Variants in MPP7 observed in about 807,000 individuals in gnomAD.
The protein encoded by MPP7 is MAGUK p55 subfamily member 7.
A neutral mutation model predicts 76.5 loss-of-function variants in MPP7; 60 were observed. The ratio of observed to expected loss-of-function variants is 0.78; its 90% CI spans 0.64 to 0.97. The LOEUF is 0.97. Ranked by LOEUF, MPP7 falls within the 50% of genes least tolerant of loss-of-function variation. The pLI is 0.00. For missense variants in MPP7, 641 were observed against 694.0 expected, an observed-to-expected ratio of 0.92 and a Z score of 0.86; for synonymous variants, 237 against 244.5, an observed-to-expected ratio of 0.97 and a Z score of 0.29.
chr10:28,243,451 C>T (rs1182468300), intron 1 of MPP7, among the ~76,000 whole-genome samples: 2 of 150,862 alleles, frequency 1.3e-5, no homozygotes, highest in Admixed American at 6.6e-5. Flanking sequence ...CTGCATGATT[C>T]GGTGAACCAA....
intron 5 of MPP7, among the ~76,000 whole-genome samples, chr10:28,137,690 T>C (rs1208196549): frequency 1.3e-5 from 2 of 152,210 alleles, no homozygotes; most frequent in African/African-American, 4.8e-5. Context: ...ATTATCCTGT[T>C]TTAACTGAGG....
intron 2 of MPP7, among the ~76,000 whole-genome samples, chr10:28,323,444 C>G (rs1208227623): frequency 7.1e-6 from 1 of 141,474 alleles, no homozygotes; most frequent in Non-Finnish European, 1.5e-5. Context: ...CAGAGTGAGA[C>G]TCTATCTAGG....
intron 11 of MPP7, among the ~76,000 whole-genome samples, chr10:28,100,074 C>T (rs1179477841): frequency 7.4e-6 from 1 of 134,732 alleles, no homozygotes; most frequent in East Asian, 2.1e-4. Context: ...GGTACCTTAA[C>T]TACAAGGAAA....
intron 16 of MPP7, among the ~76,000 whole-genome samples, chr10:28,054,824 G>A (rs117038720): frequency 7.2e-4 from 109 of 152,114 alleles, no homozygotes; most frequent in African/African-American, 2.5e-3. Context: ...TTACAGGAGC[G>A]TGCCGCCACA....
At chr10:28,226,542 G>A (rs10826430) in intron 2 of MPP7, among the ~76,000 whole-genome samples, 26,348 of 152,054 alleles carry the variant, frequency 0.17, 2,562 homozygotes, top group African/African-American at 0.26. Context: ...CACCACACCC[G>A]GCCAGGTCAA....
Position 28,215,526 on chromosome 10 carries a change from G to A in MPP7, c.38-13255C>T, listed in dbSNP as rs113105809. Among the ~76,000 whole-genome samples the A allele has an allele frequency of 7.1e-3, 1,085 of 152,262 alleles. 6 individuals are homozygous for A. Among genetic ancestry groups the A allele is most frequent in the Middle Eastern group, 0.014 (4 of 294 alleles). ...TCAGGGACAGCGTTCTCGAGGAAGCGACAATTATGCTGGGATCTGAAGGAA... is the reference window on the plus strand; with the variant it reads ...TCAGGGACAGCGTTCTCGAGGAAGCAACAATTATGCTGGGATCTGAAGGAA... On this transcript the variant is annotated intron_variant, in intron 2 of 16. Transcript: ENST00000683449.
chr10:28,125,719 G>C (rs1834996431), intron 6 of MPP7, among the ~76,000 whole-genome samples: 1 of 152,160 alleles, frequency 6.6e-6, no homozygotes, highest in South Asian at 2.1e-4. Context: ...TTAGAAGAAA[G>C]AGCTCTTACT....
At chr10:28,328,569 CT>C (rs34544679) in intron 2 of MPP7, among the ~76,000 whole-genome samples, 19,782 of 136,440 alleles carry the variant, frequency 0.14, 1,401 homozygotes, top group Middle Eastern at 0.18. Flanking sequence ...CTAGCAAGCA[CT>C]TTTTTTTTTT....
chr10:28,299,551 G>A (rs553572885), intron 1 of MPP7, among the ~76,000 whole-genome samples: 8 of 152,166 alleles, frequency 5.3e-5, no homozygotes, highest in African/African-American at 1.9e-4. Context: ...GCAATATTGT[G>A]AGAATTACCA....
chr10:28,290,099 G>A (rs562831011), intron 1 of MPP7, among the ~76,000 whole-genome samples: 5 of 152,264 alleles, frequency 3.3e-5, no homozygotes, highest in South Asian at 4.1e-4. Flanking sequence ...GATTACAGGC[G>A]TGTGCCACTG....
At chr10:28,252,900 C>T (rs1839659460) in intron 1 of MPP7, among the ~76,000 whole-genome samples, 1 of 151,752 alleles carries the variant, frequency 6.6e-6, no homozygotes, top group Admixed American at 6.6e-5. Flanking sequence ...CTTTTCTCAT[C>T]TGCATTTCTT....
At chr10:28,256,222 C>T (rs1839781085) in intron 1 of MPP7, among the ~76,000 whole-genome samples, 1 of 151,736 alleles carries the variant, frequency 6.6e-6, no homozygotes, top group Admixed American at 6.6e-5. Context: ...AACACCACTA[C>T]CCAGACACTT....
At chr10:28,078,822 C>T (rs1229948429) in intron 12 of MPP7, among the ~76,000 whole-genome samples, 1 of 152,124 alleles carries the variant, frequency 6.6e-6, no homozygotes, top group Non-Finnish European at 1.5e-5. Context: ...AAATGTGTTG[C>T]ATGGTTTTAT....
intron 1 of MPP7, among the ~76,000 whole-genome samples, chr10:28,257,496 C>CA (rs1444009317): frequency 6.8e-6 from 1 of 147,080 alleles, no homozygotes; most frequent in Non-Finnish European, 1.5e-5. Flanking sequence ...ATCGCAAGAA[C>CA]AAAAAACCAA....
chr10:28,118,725 C>T (rs1305402986), intron 11 of MPP7: 1 of 985,266 alleles, frequency 1.0e-6, no homozygotes, highest in South Asian at 4.7e-5. Flanking sequence ...CCACTTTAAG[C>T]ATTTGCCTGC....
intron 1 of MPP7, among the ~76,000 whole-genome samples, chr10:28,253,717 C>A (rs916765950): frequency 6.6e-6 from 1 of 151,972 alleles, no homozygotes; most frequent in Non-Finnish European, 1.5e-5. Context: ...TACTTTTGGC[C>A]AGGCACGGTG....
At chr10:28,213,791 CAAA>C (rs575725136) in intron 2 of MPP7, among the ~76,000 whole-genome samples, 8 of 58,068 alleles carry the variant, frequency 1.4e-4, no homozygotes, top group Admixed American at 1.1e-3. Context: ...GACTCTGTCT[CAAA>C]AAAAAAAAAA....
chr10:28,284,365 G>A (rs1305299687), intron 1 of MPP7, among the ~76,000 whole-genome samples: 5 of 152,180 alleles, frequency 3.3e-5, no homozygotes, highest in African/African-American at 1.2e-4. Flanking sequence ...ATCATGAGAA[G>A]GAATTCAGGG....
chr10:28,245,347 T>C (rs12248351), intron 1 of MPP7, among the ~76,000 whole-genome samples: 42,647 of 152,018 alleles, frequency 0.28, 6,332 homozygotes, highest in East Asian at 0.39. Context: ...TTTTGTTCAA[T>C]CAATGTCCCC....
Sources: gnomAD v4.1 joint callset for allele counts (sites outside exome capture counted in the v4.1 genomes callset) on GRCh38, gnomAD v4.1.1 for gene constraint, MANE v1.5 for transcripts, NCBI Gene and HGNC (gene_info 2026-07-23, HGNC 2026-07-21) for gene names.